Variants in SV2C observed in about 807,000 individuals in gnomAD.
The protein encoded by SV2C is synaptic vesicle glycoprotein 2C, also known as solute carrier family 22 member B3.
SV2C carries 49 observed loss-of-function variants against 79.7 expected under a neutral mutation model. That is an observed-to-expected ratio of 0.61 (90% CI 0.49 to 0.78). SV2C has a LOEUF of 0.78. SV2C is among the 30% of genes least tolerant of loss of function. The pLI is 0.00. For synonymous variants in SV2C, 334 were observed against 333.2 expected, an observed-to-expected ratio of 1.00 and a Z score of -0.03; for missense variants, 833 against 912.9, an observed-to-expected ratio of 0.91 and a Z score of 1.13.
the SV2C span, chr5:75,920,946 T>G: frequency 1.4e-6 from 1 of 725,142 alleles, no homozygotes; most frequent in Non-Finnish European, 2.5e-6. Flanking sequence ...CTCTTGGTGA[T>G]GATGGCCCGG....
intron 2 of SV2C, among the ~76,000 whole-genome samples, chr5:76,156,561 A>T (rs571068535): frequency 2.8e-4 from 43 of 152,300 alleles, no homozygotes; most frequent in Non-Finnish European, 5.0e-4. Context: ...GGCAATAGAT[A>T]CTGGCTGTGA....
chr5:75,910,678 C>G, the SV2C span: 3 of 1,216,240 alleles, frequency 2.5e-6, no homozygotes, highest in South Asian at 3.6e-5. Flanking sequence ...AAGACGAGGC[C>G]AAGACTGCCA....
chr5:76,109,321 A>G (rs553424383), intron 1 of SV2C, among the ~76,000 whole-genome samples: 1 of 152,320 alleles, frequency 6.6e-6, no homozygotes, highest in East Asian at 1.9e-4. Context: ...ACTATGTCCA[A>G]TGAACAGTAT....
At chr5:76,276,490 G>C (rs1747025446) in intron 4 of SV2C, among the ~76,000 whole-genome samples, 1 of 152,074 alleles carries the variant, frequency 6.6e-6, no homozygotes, top group South Asian at 2.1e-4. Context: ...CATGTGCCTG[G>C]CTAACTTTTG....
chr5:76,082,646 TCA>T, upstream of SV2C, among the ~76,000 whole-genome samples: 1 of 86,056 alleles, frequency 1.2e-5, no homozygotes, highest in Non-Finnish European at 2.3e-5. Flanking sequence ...CCCCCCCCCC[TCA>T]TATTTGGTTG....
chr5:76,337,522 A>G (rs10037722), downstream of SV2C, among the ~76,000 whole-genome samples: 114,199 of 152,078 alleles, frequency 0.75, 43,229 homozygotes, highest in African/African-American at 0.82. Flanking sequence ...CTATTTGATT[A>G]TGTATGTATA....
chr5:76,022,152 G>A, the SV2C span, among the ~76,000 whole-genome samples: 1 of 152,122 alleles, frequency 6.6e-6, no homozygotes, highest in African/African-American at 2.4e-5. Context: ...GCCTCACAGC[G>A]GCATTAACTC....
intron 4 of SV2C, among the ~76,000 whole-genome samples, chr5:76,262,916 G>T (rs1188033317): frequency 2.0e-5 from 3 of 152,164 alleles, no homozygotes; most frequent in African/African-American, 7.2e-5. Flanking sequence ...TGTTGATTTG[G>T]GGTGGAGAGT....
At chr5:76,105,062 A>G (rs933339290) in intron 1 of SV2C, among the ~76,000 whole-genome samples, 1 of 152,224 alleles carries the variant, frequency 6.6e-6, no homozygotes, top group Non-Finnish European at 1.5e-5. Flanking sequence ...GAAAGTAGTT[A>G]AGATGAGGTC....
At chr5:76,281,254 T>A in intron 4 of SV2C, 1 of 516,420 alleles carries the variant, frequency 1.9e-6, no homozygotes. Context: ...TAGACTCTGA[T>A]GAAGATGACG....
At chr5:76,077,177 TA>T in the SV2C span, among the ~76,000 whole-genome samples, 55 of 150,880 alleles carry the variant, frequency 3.6e-4, no homozygotes, top group African/African-American at 1.2e-3. Context: ...TAGTTTCATT[TA>T]AAAAAAAACA....
At chr5:75,870,726 T>G in the SV2C span, among the ~76,000 whole-genome samples, 1,185 of 152,198 alleles carry the variant, frequency 7.8e-3, 18 homozygotes, top group African/African-American at 0.027. Context: ...ATAATCAAAC[T>G]CCAAAATGGT....
At chr5:76,235,150 C>A (rs1450107541) in intron 4 of SV2C, among the ~76,000 whole-genome samples, 111 of 84,998 alleles carry the variant, frequency 1.3e-3, no homozygotes, top group Admixed American at 2.2e-3. Context: ...AGAAAAAAGA[C>A]AAAGGGAGAA....
At chr5:76,066,369 G>A in the SV2C span, among the ~76,000 whole-genome samples, 1 of 145,244 alleles carries the variant, frequency 6.9e-6, no homozygotes, top group Non-Finnish European at 1.5e-5. Context: ...AACACTGCAT[G>A]TTCTCACTCA....
chr5:76,255,777 C>T (rs184641313), intron 4 of SV2C, among the ~76,000 whole-genome samples: 88 of 152,256 alleles, frequency 5.8e-4, no homozygotes, highest in African/African-American at 1.8e-3. Context: ...AGCCACTGGG[C>T]CACTGGAGGA....
intron 11 of SV2C, 63 bp from the exon 12 acceptor site, chr5:76,301,323 A>G: frequency 6.3e-7 from 1 of 1,592,430 alleles, no homozygotes; most frequent in Non-Finnish European, 8.6e-7. Context: ...CCAAGGACCC[A>G]AGGGTTCTTG....
upstream of SV2C, among the ~76,000 whole-genome samples, chr5:76,081,423 T>G (rs1212005447): frequency 6.6e-6 from 1 of 152,254 alleles, no homozygotes; most frequent in African/African-American, 2.4e-5. Flanking sequence ...AGGATTTATT[T>G]TTTAATTTCA....
intron 1 of SV2C, among the ~76,000 whole-genome samples, chr5:76,117,942 G>C (rs1467756349): frequency 6.6e-6 from 1 of 152,112 alleles, no homozygotes; most frequent in African/African-American, 2.4e-5. Flanking sequence ...GGCCATCTGA[G>C]AAACAATTTA....
At chr5:76,347,676 A>G (rs113619031) in intron 12 of SV2C, among the ~76,000 whole-genome samples, 9,307 of 152,248 alleles carry the variant, frequency 0.061, 669 homozygotes, top group African/African-American at 0.18. Flanking sequence ...TCCTGACCCC[A>G]GGTGATCTGC....
Sources: gnomAD v4.1 joint callset for allele counts (sites outside exome capture counted in the v4.1 genomes callset) on GRCh38, gnomAD v4.1.1 for gene constraint, MANE v1.5 for transcripts, NCBI Gene and HGNC (gene_info 2026-07-23, HGNC 2026-07-21) for gene names.